ELMO1: variants seen among roughly 807,000 people sequenced by gnomAD.
The protein encoded by ELMO1 is engulfment and cell motility protein 1.
ELMO1 carries 26 observed loss-of-function variants against 98.9 expected under a neutral mutation model. The ratio of observed to expected loss-of-function variants is 0.26; its 90% CI spans 0.19 to 0.36. The LOEUF (loss-of-function observed/expected upper bound fraction) is 0.36. Ranked by LOEUF, ELMO1 falls within the 10% of genes least tolerant of loss-of-function variation. The pLI, the probability that ELMO1 is intolerant of heterozygous loss-of-function variation, is 1.00. For missense variants in ELMO1, 627 were observed against 935.2 expected (o/e 0.67, Z 4.30); for synonymous variants, 346 against 346.0 (o/e 1.00, Z 0.00).
intron 1 of ELMO1, among the ~76,000 whole-genome samples, chr7:37,424,773 C>A (rs1804634471): frequency 6.6e-6 from 1 of 152,084 alleles, no homozygotes; most frequent in Admixed American, 6.6e-5. Flanking sequence ...CAAGGGTGAC[C>A]AAGAGACCTA....
At chr7:37,187,691 CT>C in intron 13 of ELMO1, among the ~76,000 whole-genome samples, 1 of 152,256 alleles carries the variant, frequency 6.6e-6, no homozygotes, top group South Asian at 2.1e-4. Flanking sequence ...TGCAGGTAAA[CT>C]GTAGTAAACT....
chr7:37,328,536 T>C (rs972199655), intron 2 of ELMO1, among the ~76,000 whole-genome samples: 1 of 152,036 alleles, frequency 6.6e-6, no homozygotes, highest in Admixed American at 6.5e-5. Flanking sequence ...CTCAAAACCA[T>C]GAACGACAAG....
intron 4 of ELMO1, among the ~76,000 whole-genome samples, chr7:37,313,020 G>A (rs1798965214): frequency 6.6e-6 from 1 of 152,042 alleles, no homozygotes; most frequent in Admixed American, 6.6e-5. Flanking sequence ...CATTTAACTT[G>A]GATTTCTATA....
chr7:37,269,579 C>G (rs1796450914), intron 5 of ELMO1: 2 of 152,584 alleles, frequency 1.3e-5, no homozygotes, highest in Admixed American at 1.3e-4. Flanking sequence ...GTAGCTGGGA[C>G]TACAGGCGCC....
intron 16 of ELMO1, among the ~76,000 whole-genome samples, chr7:36,943,253 T>C (rs932506595): frequency 6.6e-6 from 1 of 152,246 alleles, no homozygotes. Flanking sequence ...TTATCTACTA[T>C]GGTTATGCAG....
At chr7:37,365,951 G>A (rs1562645530) in intron 1 of ELMO1, among the ~76,000 whole-genome samples, 1 of 152,172 alleles carries the variant, frequency 6.6e-6, no homozygotes, top group Non-Finnish European at 1.5e-5. Flanking sequence ...ACATTAATAA[G>A]AAAATATCTG....
chr7:37,187,875 C>T (rs759070684), intron 13 of ELMO1, among the ~76,000 whole-genome samples: 83 of 152,274 alleles, frequency 5.5e-4, no homozygotes, highest in Non-Finnish European at 8.8e-4. Flanking sequence ...GGCCATTCTT[C>T]AAGGGAACTC....
chr7:37,361,883 G>C (rs1474546464), intron 1 of ELMO1, among the ~76,000 whole-genome samples: 2 of 152,096 alleles, frequency 1.3e-5, no homozygotes, highest in African/African-American at 4.8e-5. Context: ...GATCTCTTGA[G>C]CCCAGGAGGT....
chr7:37,403,695 T>A (rs1349293170), intron 1 of ELMO1, among the ~76,000 whole-genome samples: 4 of 151,924 alleles, frequency 2.6e-5, no homozygotes, highest in Non-Finnish European at 4.4e-5. Context: ...CAGGCACACA[T>A]CACCACACCC....
At chr7:37,010,159 C>T (rs1344467886) in intron 16 of ELMO1, among the ~76,000 whole-genome samples, 1 of 152,184 alleles carries the variant, frequency 6.6e-6, no homozygotes, top group Non-Finnish European at 1.5e-5. Flanking sequence ...ACTAGCAGAA[C>T]TCTGTGACAG....
intron 14 of ELMO1, among the ~76,000 whole-genome samples, chr7:37,106,332 G>C (rs772824459): frequency 4.6e-5 from 7 of 152,100 alleles, no homozygotes; most frequent in Non-Finnish European, 1.0e-4. Context: ...TCGTGACTGG[G>C]ATTAGCACCC....
At chr7:37,168,910 G>C (rs1722171390) in intron 13 of ELMO1, among the ~76,000 whole-genome samples, 1 of 152,204 alleles carries the variant, frequency 6.6e-6, no homozygotes, top group Admixed American at 6.5e-5. Flanking sequence ...GGTTACCGCT[G>C]TCTTTTTGTT....
At chr7:37,240,784 C>T (rs969690738) in intron 7 of ELMO1, among the ~76,000 whole-genome samples, 1 of 152,090 alleles carries the variant, frequency 6.6e-6, no homozygotes, top group African/African-American at 2.4e-5. Flanking sequence ...GGCTATTCGG[C>T]TATTTTATTG....
In ELMO1 at chr7:37,292,192, C is replaced by T. The variant is rs1296246189; in HGVS notation, c.193-20310G>A. 2.6e-5 allele frequency among the ~76,000 whole-genome samples: 3 copies of T among 115,398 alleles called. 1 individual carries two copies. The highest frequency in any genetic ancestry group is 8.3e-5 in the African/African-American group (3 of 36,136). 75.7% of individuals were successfully genotyped at this position (115,398 alleles called of 152,430 possible). On this transcript the variant is annotated intron_variant, in intron 4 of 21. Coordinates refer to ENST00000310758, the MANE Select transcript of ELMO1 (RefSeq NM_014800.11). ...CTCCAGCTCCTAACCGCGAGTGATC[C>T]GCCAGCCTCGGCCTCCCGAGGTGCC...
chr7:36,954,839 G>C (rs1486417889), intron 16 of ELMO1, among the ~76,000 whole-genome samples: 1 of 152,150 alleles, frequency 6.6e-6, no homozygotes, highest in Admixed American at 6.5e-5. Context: ...CTTAAATTCT[G>C]TCCTAATCAC....
chr7:37,417,784 G>A lies in ELMO1; in HGVS notation c.-74+30891C>T, dbSNP rs115419390. Among the ~76,000 whole-genome samples, 976 of 152,242 alleles carry A rather than the reference G, an allele frequency of 6.4e-3. 6 individuals carry two copies. Among genetic ancestry groups the A allele is most frequent in the African/African-American group, 0.023 (935 of 41,534 alleles). On this transcript the variant is annotated intron_variant, in intron 1 of 21. Transcript: ENST00000310758. ...TTGAACCTGTGAGGCAGAGGTTGCA[G>A]TGAGTCGAGACGGCACCATTGCACT...
At chr7:37,167,356 T>A (rs1789786488) in intron 13 of ELMO1, among the ~76,000 whole-genome samples, 1 of 152,120 alleles carries the variant, frequency 6.6e-6, no homozygotes, top group African/African-American at 2.4e-5. Flanking sequence ...TTAATAGTGT[T>A]ATGTGTGAAT....
chr7:37,052,932 A>G (rs1295617862), intron 15 of ELMO1, among the ~76,000 whole-genome samples: 5 of 152,152 alleles, frequency 3.3e-5, no homozygotes, highest in African/African-American at 1.2e-4. Context: ...TTCCATAAAG[A>G]AAGCCTGATA....
chr7:37,205,846 G>A (rs563521821), intron 13 of ELMO1, among the ~76,000 whole-genome samples: 312 of 152,220 alleles, frequency 2.0e-3, no homozygotes, highest in African/African-American at 6.8e-3. Flanking sequence ...TTGCAAATAC[G>A]GAATCCATGA....
Sources: gnomAD v4.1 joint callset for allele counts (sites outside exome capture counted in the v4.1 genomes callset) on GRCh38, gnomAD v4.1.1 for gene constraint, MANE v1.5 for transcripts, NCBI Gene and HGNC (gene_info 2026-07-23, HGNC 2026-07-21) for gene names.